DAB1: variants seen among roughly 807,000 people sequenced by gnomAD.
DAB1 encodes the protein disabled homolog 1.
Under a neutral mutation model 64.6 loss-of-function variants are expected in DAB1, and 15 were observed. That is an observed-to-expected ratio of 0.23 (90% CI 0.16 to 0.36). The LOEUF is 0.36. DAB1 is among the 10% of genes least tolerant of loss of function. The probability of loss-of-function intolerance (pLI) is 1.00; values close to 1 mark genes in which losing one functional copy is unlikely to be tolerated. For synonymous variants in DAB1, 235 were observed against 251.9 expected, an observed-to-expected ratio of 0.93 and a Z score of 0.64; for missense variants, 596 against 706.7, an observed-to-expected ratio of 0.84 and a Z score of 1.78.
At chr1:58,525,053 TTC>T (rs1295485433) in intron 2 of DAB1, among the ~76,000 whole-genome samples, 2 of 152,226 alleles carry the variant, frequency 1.3e-5, no homozygotes, top group Non-Finnish European at 1.5e-5. Flanking sequence ...TACTGCATCT[TTC>T]TGTTTGTTTA....
chr1:57,287,681 T>C (rs931860112), intron 2 of DAB1, among the ~76,000 whole-genome samples: 2 of 152,198 alleles, frequency 1.3e-5, no homozygotes, highest in African/African-American at 4.8e-5. Context: ...ATTAATTTTG[T>C]CCAAGTTAGC....
chr1:58,326,356 T>C (rs1287112848), intron 4 of DAB1, among the ~76,000 whole-genome samples: 2 of 152,188 alleles, frequency 1.3e-5, no homozygotes, highest in Non-Finnish European at 2.9e-5. Flanking sequence ...TGCAGATGAA[T>C]GCCAGGTTGA....
intron 6 of DAB1, among the ~76,000 whole-genome samples, chr1:57,786,381 C>T (rs915552146): frequency 3.9e-5 from 6 of 152,128 alleles, no homozygotes; most frequent in African/African-American, 1.4e-4. Context: ...TCAGGGCTTA[C>T]TATGTGCCAG....
intron 6 of DAB1, among the ~76,000 whole-genome samples, chr1:57,695,244 A>G (rs1557427519): frequency 1.7e-5 from 1 of 59,346 alleles, no homozygotes; most frequent in Admixed American, 1.9e-4. Context: ...AAAGGAAGAA[A>G]GAAAGAAAGA....
intron 2 of DAB1, among the ~76,000 whole-genome samples, chr1:57,221,783 C>T (rs1056103208): frequency 1.3e-5 from 2 of 152,060 alleles, no homozygotes; most frequent in Admixed American, 1.3e-4. Flanking sequence ...TTTTTCTGTT[C>T]CTATTGCAAA....
chr1:57,384,686 C>T (rs1011590345), intron 1 of DAB1, among the ~76,000 whole-genome samples: 2 of 152,034 alleles, frequency 1.3e-5, no homozygotes, highest in African/African-American at 2.4e-5. Context: ...CTAGAGTAGT[C>T]AAATTCATAG....
At chr1:58,067,847 G>A (rs971291871) in intron 5 of DAB1, among the ~76,000 whole-genome samples, 2 of 152,076 alleles carry the variant, frequency 1.3e-5, no homozygotes, top group Non-Finnish European at 2.9e-5. Context: ...GTTGTATTGG[G>A]GATAATGAGT....
chr1:58,476,740 CAT>C (rs1645422731), intron 3 of DAB1, among the ~76,000 whole-genome samples: 1 of 152,194 alleles, frequency 6.6e-6, no homozygotes, highest in Non-Finnish European at 1.5e-5. Context: ...TACCATCTGT[CAT>C]AGACTATTAA....
At chr1:57,553,387 A>AGAAAGAAAGAAAGC in intron 7 of DAB1, among the ~76,000 whole-genome samples, 1 of 2,614 alleles carries the variant, frequency 3.8e-4, no homozygotes, top group Non-Finnish European at 2.0e-3. Context: ...GAAGAAAGAG[A>AGAAAGAAAGAAAGC]AAGAAAGAAA....
chr1:57,736,571 T>G (rs976704538), intron 6 of DAB1, among the ~76,000 whole-genome samples: 3 of 152,190 alleles, frequency 2.0e-5, no homozygotes, highest in African/African-American at 4.8e-5. Flanking sequence ...TTTTGTGAAC[T>G]GTAAAGTGTG....
intron 4 of DAB1, among the ~76,000 whole-genome samples, chr1:58,251,177 T>C (rs1254104466): frequency 6.6e-6 from 1 of 152,220 alleles, no homozygotes; most frequent in Non-Finnish European, 1.5e-5. Context: ...GAGTTTTTCT[T>C]CCTTCATCTG....
At chr1:58,361,772 C>G (rs1484198339) in intron 3 of DAB1, among the ~76,000 whole-genome samples, 1 of 151,790 alleles carries the variant, frequency 6.6e-6, no homozygotes, top group East Asian at 1.9e-4. Context: ...GTCTTACCTG[C>G]CTTCTCTGCT....
intron 9 of DAB1, among the ~76,000 whole-genome samples, chr1:57,028,180 G>A (rs1053301140): frequency 2.0e-5 from 3 of 152,262 alleles, no homozygotes; most frequent in African/African-American, 7.2e-5. Context: ...GGAGGTAATT[G>A]AATCATGGGG....
At chr1:58,433,155 C>T (rs191883566) in intron 3 of DAB1, among the ~76,000 whole-genome samples, 10 of 152,334 alleles carry the variant, frequency 6.6e-5, no homozygotes, top group Admixed American at 3.3e-4. Flanking sequence ...GACTGTAGGG[C>T]TTCTCTCATG....
chr1:57,762,303 GTA>G (rs970164946), intron 6 of DAB1, among the ~76,000 whole-genome samples: 1 of 140,270 alleles, frequency 7.1e-6, no homozygotes, highest in Non-Finnish European at 1.6e-5. Flanking sequence ...GTGTGTGTGT[GTA>G]TACGTATATG....
intron 7 of DAB1, among the ~76,000 whole-genome samples, chr1:57,623,060 G>A (rs1181780447): frequency 6.6e-6 from 1 of 152,308 alleles, no homozygotes; most frequent in South Asian, 2.1e-4. Context: ...AATGATCATT[G>A]CTGCTTTTTT....
intron 9 of DAB1, among the ~76,000 whole-genome samples, chr1:57,058,549 A>G (rs915060337): frequency 3.3e-5 from 5 of 152,248 alleles, no homozygotes; most frequent in Non-Finnish European, 5.9e-5. Context: ...CTTACAAAGC[A>G]AGGAGGTATG....
intron 7 of DAB1, among the ~76,000 whole-genome samples, chr1:57,433,690 G>A (rs925818858): frequency 1.3e-5 from 2 of 151,776 alleles, no homozygotes; most frequent in Admixed American, 1.3e-4. Flanking sequence ...GATGATCAAA[G>A]AAAACATTAA....
intron 6 of DAB1, among the ~76,000 whole-genome samples, chr1:57,706,043 T>C (rs1157550586): frequency 6.6e-6 from 1 of 152,090 alleles, no homozygotes; most frequent in African/African-American, 2.4e-5. Context: ...GTTTATACTT[T>C]AAACTTTTTA....
Sources: gnomAD v4.1 joint callset for allele counts (sites outside exome capture counted in the v4.1 genomes callset) on GRCh38, gnomAD v4.1.1 for gene constraint, MANE v1.5 for transcripts, NCBI Gene and HGNC (gene_info 2026-07-23, HGNC 2026-07-21) for gene names.